CCDC15: variants seen among roughly 807,000 people sequenced by gnomAD.
CCDC15 encodes coiled-coil domain containing 15.
CCDC15 carries 105 observed loss-of-function variants against 114.5 expected under a neutral mutation model. The ratio of observed to expected loss-of-function variants is 0.92; its 90% CI spans 0.78 to 1.08. CCDC15 has a LOEUF of 1.08. CCDC15 is among the 50% of genes least tolerant of loss of function. The pLI, the probability that CCDC15 is intolerant of heterozygous loss-of-function variation, is 0.00. For synonymous variants in CCDC15, 334 were observed against 377.8 expected (o/e 0.88, Z 1.34); for missense variants, 1,105 against 1,093.6 (o/e 1.01, Z -0.15).
At chr11:125,032,901 G>A (rs945666176) in intron 13 of CCDC15, among the ~76,000 whole-genome samples, 1 of 152,186 alleles carries the variant, frequency 6.6e-6, no homozygotes, top group Non-Finnish European at 1.5e-5. Context: ...TGGGCCCCTG[G>A]ATTCAGTGTC....
At chr11:124,995,014 G>C (rs986589779) in intron 11 of CCDC15, among the ~76,000 whole-genome samples, 1 of 152,144 alleles carries the variant, frequency 6.6e-6, no homozygotes, top group African/African-American at 2.4e-5. Flanking sequence ...CGGTTTTCAG[G>C]ACTGAACTGC....
intron 5 of CCDC15, among the ~76,000 whole-genome samples, chr11:124,975,859 AAC>A (rs1212542391): frequency 2.6e-5 from 4 of 151,308 alleles, no homozygotes; most frequent in Non-Finnish European, 5.9e-5. Context: ...AAAAAATTGA[AAC>A]TATTAATTTT....
chr11:124,986,713 G>T (rs1389289689), intron 6 of CCDC15, 29 bp from the exon 7 acceptor site: 1 of 1,440,892 alleles, frequency 6.9e-7, no homozygotes, highest in Admixed American at 2.2e-5. Context: ...GCGCGCGCGC[G>T]TGCGCGTTTT....
chr11:124,980,337 A>G (rs1948048903), intron 6 of CCDC15, among the ~76,000 whole-genome samples: 1 of 152,216 alleles, frequency 6.6e-6, no homozygotes, highest in African/African-American at 2.4e-5. Flanking sequence ...TAGTTTCAGT[A>G]GAAATGATAC....
chr11:125,039,026 T>C lies in CCDC15; in HGVS notation c.2691T>C (p.Pro897=). Residue 897 remains proline (P), a synonymous_variant, in exon 15 of 16, where the codon CCT becomes CCC. Coordinates refer to ENST00000344762, the MANE Select transcript of CCDC15 (RefSeq NM_025004.3). The part of the protein sequence containing the change: ...CCGPDFWDAH[P]DTCANNCIFY... The stretch of plus-strand genomic sequence containing the variant: ...GTCCTGATTTTTGGGATGCTCATCC[T>C]GATACCTGTGCCAACAACTGTATTT... 1 of 1,609,480 alleles carries C rather than the reference T, an allele frequency of 6.2e-7. No individual in the cohort carries two copies. The highest frequency in any genetic ancestry group is 8.5e-7 in the Non-Finnish European group (1 of 1,176,662).
At chr11:124,970,097 T>A (rs1266660241) in intron 4 of CCDC15, among the ~76,000 whole-genome samples, 1 of 152,200 alleles carries the variant, frequency 6.6e-6, no homozygotes, top group Non-Finnish European at 1.5e-5. Context: ...TATGCTTCCC[T>A]CTTATTTTCT....
At chr11:125,015,898 C>T (rs1210890608) in intron 13 of CCDC15, among the ~76,000 whole-genome samples, 1 of 152,130 alleles carries the variant, frequency 6.6e-6, no homozygotes, top group Admixed American at 6.6e-5. Flanking sequence ...CTGCTTAAGC[C>T]CCTGCCTCTA....
At chr11:124,985,393 T>C (rs992253600) in intron 6 of CCDC15, among the ~76,000 whole-genome samples, 2 of 152,222 alleles carry the variant, frequency 1.3e-5, no homozygotes, top group African/African-American at 4.8e-5. Flanking sequence ...CTGGATCATA[T>C]AGTAATTCTA....
chr11:124,974,255 A>G (rs1223057687), intron 4 of CCDC15, among the ~76,000 whole-genome samples: 1 of 152,218 alleles, frequency 6.6e-6, no homozygotes, highest in Non-Finnish European at 1.5e-5. Flanking sequence ...TGCTGGGATT[A>G]CAGGTGTGAG....
At chr11:125,030,098 A>G (rs556386571) in intron 13 of CCDC15, among the ~76,000 whole-genome samples, 2 of 152,286 alleles carry the variant, frequency 1.3e-5, no homozygotes, top group East Asian at 3.9e-4. Context: ...AGAATGTAAT[A>G]TCGTGGGAAC....
intron 4 of CCDC15, among the ~76,000 whole-genome samples, chr11:124,966,681 A>G (rs1947790139): frequency 6.6e-6 from 1 of 152,198 alleles, no homozygotes; most frequent in South Asian, 2.1e-4. Flanking sequence ...TGGTCCTGTC[A>G]TTATAATGTT....
At chr11:125,032,623 A>C (rs1021308966) in intron 13 of CCDC15, among the ~76,000 whole-genome samples, 2 of 152,174 alleles carry the variant, frequency 1.3e-5, no homozygotes, top group Non-Finnish European at 2.9e-5. Flanking sequence ...TTTTTGATTT[A>C]CTATTTTTCT....
intron 13 of CCDC15, among the ~76,000 whole-genome samples, chr11:125,010,215 G>A (rs530281526): frequency 1.9e-4 from 29 of 152,100 alleles, no homozygotes; most frequent in African/African-American, 4.8e-4. Context: ...GTTTTGACTC[G>A]TGTTAGATAG....
At chr11:125,040,511 G>A (rs2135546451) in intron 15 of CCDC15, 79 bp from the exon 16 acceptor site, 2 of 1,284,538 alleles carry the variant, frequency 1.6e-6, no homozygotes, top group East Asian at 5.0e-5. Context: ...TGGTAGAGAA[G>A]CAGTACTAAT....
intron 13 of CCDC15, among the ~76,000 whole-genome samples, chr11:125,029,463 A>G (rs1418850170): frequency 1.3e-5 from 2 of 152,256 alleles, no homozygotes; most frequent in African/African-American, 2.4e-5. Flanking sequence ...AAAGTTAACA[A>G]TACTTAAATG....
chr11:125,025,180 G>A (rs1475608188), intron 13 of CCDC15, among the ~76,000 whole-genome samples: 2 of 146,474 alleles, frequency 1.4e-5, no homozygotes, highest in East Asian at 3.9e-4. Flanking sequence ...ATGAATATAT[G>A]TGAGTATATA....
chr11:124,990,874 A>G (rs989723444), intron 8 of CCDC15, among the ~76,000 whole-genome samples: 2 of 152,234 alleles, frequency 1.3e-5, no homozygotes, highest in Non-Finnish European at 2.9e-5. Context: ...TCCCTCCACC[A>G]GAGATGAGTT....
chr11:124,977,715 T>C, intron 6 of CCDC15, 115 bp downstream of exon 6: 3 of 1,066,464 alleles, frequency 2.8e-6, no homozygotes, highest in Non-Finnish European at 3.9e-6. Context: ...ACGGACTTTA[T>C]TGAGATATAA....
At chr11:125,036,755 A>T (rs1166889989) in intron 13 of CCDC15, among the ~76,000 whole-genome samples, 1 of 152,036 alleles carries the variant, frequency 6.6e-6, no homozygotes, top group Non-Finnish European at 1.5e-5. Flanking sequence ...CACTATTAAC[A>T]GACTGTGATG....
Sources: gnomAD v4.1 joint callset for allele counts (sites outside exome capture counted in the v4.1 genomes callset) on GRCh38, gnomAD v4.1.1 for gene constraint, MANE v1.5 for transcripts, NCBI Gene and HGNC (gene_info 2026-07-23, HGNC 2026-07-21) for gene names.